The following PFKP variants were observed in gnomAD, a reference collection of about 807,000 sequenced individuals.
The protein encoded by PFKP is phosphofructokinase, platelet.
A neutral mutation model predicts 94.3 loss-of-function variants in PFKP; 101 were observed. The ratio of observed to expected loss-of-function variants is 1.07; its 90% CI spans 0.91 to 1.26. PFKP has a LOEUF of 1.26. PFKP is among the 50% of genes most tolerant of loss of function. The pLI, the probability that PFKP is intolerant of heterozygous loss-of-function variation, is 0.00. For synonymous variants in PFKP, 573 were observed against 432.6 expected, an observed-to-expected ratio of 1.32 and a Z score of -4.03; for missense variants, 1,145 against 1,103.3, an observed-to-expected ratio of 1.04 and a Z score of -0.53.
Position 3,113,101 on chromosome 10 carries a change from G to C in PFKP, c.1155-18G>C. On this transcript the variant is annotated intron_variant, in intron 11 of 21. Coordinates refer to ENST00000381125, the MANE Select transcript of PFKP (RefSeq NM_002627.5). ...CCGGTATTCTCGACTCCGGTCCAAC[G>C]ACACCCTTTTCCTTTAGGAGCTTTG... The C allele has an allele frequency of 6.2e-7, 1 of 1,610,024 alleles. No homozygotes were observed. The highest frequency in any genetic ancestry group is 2.2e-5 in the East Asian group (1 of 44,736).
In PFKP at chr10:3,129,916, G is replaced by T. The variant is rs368735525; in HGVS notation, c.1781G>T (p.Gly594Val). ...GGYCGYLANM[G>V]GLAAGADAAY... is the part of the protein sequence containing the mutation. ...TACTGTGGCTACCTGGCCAACATGG[G>T]GGGGCTCGCGGCCGGAGCTGATGCC... Residue 594 changes from glycine to valine, a missense_variant, in exon 17 of 22, where the codon GGG (glycine) becomes GTG (valine). Coordinates refer to ENST00000381125, the MANE Select transcript of PFKP (RefSeq NM_002627.5). 3.1e-6 allele frequency: 5 copies of T among 1,612,374 alleles called. No individual in the cohort carries two copies. The highest frequency in any genetic ancestry group is 4.2e-6 in the Non-Finnish European group (5 of 1,179,306).
At chr10:3,134,407 T>C (rs1838965216) in intron 19 of PFKP, 76 bp from the exon 20 acceptor site, 2 of 866,514 alleles carry the variant, frequency 2.3e-6, no homozygotes, top group Admixed American at 2.0e-5. Flanking sequence ...TTCTGCAAAA[T>C]AGAAATTGTC....
At chr10:3,071,728 G>A (rs760752267) in intron 1 of PFKP, among the ~76,000 whole-genome samples, 19 of 152,130 alleles carry the variant, frequency 1.2e-4, no homozygotes, top group Non-Finnish European at 1.9e-4. Flanking sequence ...TGAAAGCTGC[G>A]TCCTTTTTGC....
chr10:3,110,890 G>GTGCATGTTTGTGTGCA (rs1167282848), intron 10 of PFKP, among the ~76,000 whole-genome samples: 1 of 151,948 alleles, frequency 6.6e-6, no homozygotes, highest in Admixed American at 6.6e-5. Flanking sequence ...ATGTATGTGT[G>GTGCATGTTTGTGTGCA]TGCATGTTTG....
chr10:3,135,859 G>A (rs748858988), intron 21 of PFKP, 21 bp downstream of exon 21: 2 of 1,426,474 alleles, frequency 1.4e-6, no homozygotes, highest in East Asian at 4.5e-5. Context: ...TGGGTTCCCT[G>A]AGGCAATAAG....
intron 2 of PFKP, among the ~76,000 whole-genome samples, chr10:3,089,084 A>G (rs1393670466): frequency 1.3e-5 from 2 of 152,060 alleles, no homozygotes; most frequent in Non-Finnish European, 2.9e-5. Flanking sequence ...GGCACCCACC[A>G]CCACGCCTGG....
intron 1 of PFKP, among the ~76,000 whole-genome samples, chr10:3,075,081 T>C (rs1370353812): frequency 6.6e-6 from 1 of 152,234 alleles, no homozygotes; most frequent in Non-Finnish European, 1.5e-5. Flanking sequence ...TTGGGCTAGT[T>C]AACTGCAGCA....
At chr10:3,070,612 G>A (rs576698073) in intron 1 of PFKP, among the ~76,000 whole-genome samples, 9 of 152,162 alleles carry the variant, frequency 5.9e-5, no homozygotes, top group African/African-American at 1.7e-4. Flanking sequence ...CAAGAGAGGC[G>A]TGTCCTCATT....
At chr10:3,112,307 C>A in intron 11 of PFKP, 21 bp downstream of exon 11, 1 of 1,599,550 alleles carries the variant, frequency 6.3e-7, no homozygotes, top group Non-Finnish European at 8.6e-7. Context: ...TTGGAGAAAG[C>A]TCTGCCCTGT....
chr10:3,124,376 G>A (rs748423648), intron 16 of PFKP, among the ~76,000 whole-genome samples: 5 of 152,208 alleles, frequency 3.3e-5, no homozygotes, highest in Non-Finnish European at 7.3e-5. Flanking sequence ...ACCCTGAGGT[G>A]GAGTCTGAAA....
intron 10 of PFKP, 99 bp from the exon 11 acceptor site, chr10:3,112,123 G>A: frequency 1.1e-6 from 1 of 948,292 alleles, no homozygotes; most frequent in Non-Finnish European, 1.7e-6. Flanking sequence ...TCAGACTGGA[G>A]GGGGCTGGTG....
Position 3,134,142 on chromosome 10 carries a change from ATCT to A in PFKP, c.2023-336_2023-334del, listed in dbSNP as rs890759054. Among the ~76,000 whole-genome samples, 5 of 152,192 alleles carry A rather than the reference ATCT, an allele frequency of 3.3e-5. No homozygotes were observed. In the East Asian group the frequency reaches 5.8e-4, roughly 18 times the overall value. On this transcript the variant is annotated intron_variant, in intron 19 of 21. Coordinates refer to ENST00000381125, the MANE Select transcript of PFKP (RefSeq NM_002627.5). ...TGATGAAATAGTAGGCATATGTGTG[ATCT>A]TCTTAAAGAATCCACAACGGTTATC...
At chr10:3,073,229 G>A (rs1159598049) in intron 1 of PFKP, among the ~76,000 whole-genome samples, 2 of 151,872 alleles carry the variant, frequency 1.3e-5, no homozygotes, top group Non-Finnish European at 1.5e-5. Flanking sequence ...ATAGGGTCTT[G>A]ATGTTTTCCT....
chr10:3,089,130 A>C (rs893560951), intron 2 of PFKP, among the ~76,000 whole-genome samples: 1 of 152,052 alleles, frequency 6.6e-6, no homozygotes, highest in Non-Finnish European at 1.5e-5. Flanking sequence ...ATGGGGTTTC[A>C]CCATGTTGGC....
intron 3 of PFKP, among the ~76,000 whole-genome samples, chr10:3,100,744 C>G (rs1188742749): frequency 6.6e-6 from 1 of 151,200 alleles, no homozygotes; most frequent in Non-Finnish European, 1.5e-5. Flanking sequence ...ACCAACAATT[C>G]TTAGTTTTTG....
At chr10:3,123,033 C>T (rs1588540648) in intron 16 of PFKP, among the ~76,000 whole-genome samples, 1 of 152,280 alleles carries the variant, frequency 6.6e-6, no homozygotes, top group East Asian at 1.9e-4. Flanking sequence ...CACGTGCGTC[C>T]TCGTCCTCTC....
intron 2 of PFKP, among the ~76,000 whole-genome samples, chr10:3,093,443 C>T (rs1201169165): frequency 1.3e-5 from 2 of 152,144 alleles, no homozygotes; most frequent in Non-Finnish European, 1.5e-5. Flanking sequence ...TAGCTGTTCC[C>T]GACCTGACTC....
chr10:3,113,706 A>G (rs922426471), intron 13 of PFKP, among the ~76,000 whole-genome samples, 188 bp downstream of exon 13: 73 of 152,114 alleles, frequency 4.8e-4, no homozygotes, highest in Admixed American at 4.3e-3. Flanking sequence ...AGGCCCTCAG[A>G]TGGAGCCCAG....
At chr10:3,125,786 C>G (rs1335087149) in intron 16 of PFKP, among the ~76,000 whole-genome samples, 1 of 152,222 alleles carries the variant, frequency 6.6e-6, no homozygotes, top group Non-Finnish European at 1.5e-5. Flanking sequence ...GTGGTGCTGA[C>G]ACCCACATGG....
Sources: allele counts gnomAD v4.1 joint callset (sites outside exome capture counted in the v4.1 genomes callset), GRCh38; gene constraint gnomAD v4.1.1; transcripts MANE v1.5; gene names NCBI Gene and HGNC (gene_info 2026-07-23, HGNC 2026-07-21).